The following ESF1 variants were observed in gnomAD, a reference collection of about 807,000 sequenced individuals.
ESF1 encodes ESF1 homolog.
In ESF1, 58 loss-of-function variants were observed where a neutral mutation model predicts 92.0. The ratio of observed to expected loss-of-function variants is 0.63; its 90% CI spans 0.51 to 0.78. ESF1 has a LOEUF of 0.78. ESF1 is among the 30% of genes least tolerant of loss of function. The probability of loss-of-function intolerance (pLI) is 0.00; values close to 1 mark genes in which losing one functional copy is unlikely to be tolerated. For synonymous variants in ESF1, 321 were observed against 313.7 expected, an observed-to-expected ratio of 1.02 and a Z score of -0.24; for missense variants, 922 against 989.1, an observed-to-expected ratio of 0.93 and a Z score of 0.91.
In ESF1 at chr20:13,779,120, G is replaced by A. The variant is rs559861857; in HGVS notation, c.638-2850C>T. Among the ~76,000 whole-genome samples, 8 of 152,242 alleles carry A rather than the reference G, an allele frequency of 5.3e-5. No individual in the cohort carries two copies. The South Asian group carries it at 1.5e-3, about 28-fold the overall frequency. ...TGTACACAGCCTTGTGCAAGATAAT[G>A]TGGGGTTACACAAATATAAATGTCT... is the stretch of plus-strand genomic sequence containing the variant. On this transcript the variant is annotated intron_variant, in intron 2 of 13. Coordinates refer to ENST00000617257, the MANE Select transcript of ESF1 (RefSeq NM_001276380.2).
rs536664066 is a variant in ESF1, at chr20:13,716,703, C to T, written c.2262+665G>A. Among the ~76,000 whole-genome samples, 10 of 146,766 alleles carry T rather than the reference C, an allele frequency of 6.8e-5. No homozygotes were observed. In the East Asian group the frequency reaches 1.8e-3, roughly 27 times the overall value. On this transcript the variant is annotated intron_variant, in intron 13 of 13. Coordinates refer to ENST00000617257, the MANE Select transcript of ESF1 (RefSeq NM_001276380.2). ...TTGCCCAGGCTGGAGTGCAGTGCCA[C>T]AATCATGGCTCACTGCAGGCTTGAC...
intron 9 of ESF1, among the ~76,000 whole-genome samples, chr20:13,735,910 A>G (rs972973549): frequency 1.3e-5 from 2 of 152,128 alleles, no homozygotes; most frequent in African/African-American, 4.8e-5. Context: ...GGAGGGATGG[A>G]TAGCATGAGA....
chr20:13,747,129 A>G (rs1054185843), intron 9 of ESF1, among the ~76,000 whole-genome samples: 8 of 152,142 alleles, frequency 5.3e-5, no homozygotes, highest in African/African-American at 1.9e-4. Flanking sequence ...CTGGTTGGGA[A>G]TCCTTGAAAC....
In ESF1 at chr20:13,741,868, G is replaced by A. The variant is rs577057993; in HGVS notation, c.1829-8026C>T. Among the ~76,000 whole-genome samples, 5 of 152,272 alleles carry A rather than the reference G, an allele frequency of 3.3e-5. No individual in the cohort carries two copies. In the East Asian group the frequency reaches 9.6e-4, roughly 29 times the overall value. ...AGAAGATATTAGCTGTCTTATACAA[G>A]ACAAAGGATCAGTATCAGAAGTAAA... On this transcript the variant is annotated intron_variant, in intron 9 of 13. Coordinates refer to ENST00000617257, the MANE Select transcript of ESF1 (RefSeq NM_001276380.2).
intron 9 of ESF1, among the ~76,000 whole-genome samples, chr20:13,750,794 T>C (rs1368182456): frequency 1.3e-5 from 2 of 152,074 alleles, no homozygotes; most frequent in East Asian, 1.9e-4. Context: ...GCCTGAGCAA[T>C]GTAGTAAGAG....
chr20:13,767,771 C>T (rs1400384234), intron 7 of ESF1, among the ~76,000 whole-genome samples: 1 of 152,198 alleles, frequency 6.6e-6, no homozygotes, highest in African/African-American at 2.4e-5. Context: ...GTGGTGATGA[C>T]TGGCTCCTGC....
intron 9 of ESF1, among the ~76,000 whole-genome samples, chr20:13,735,822 C>T (rs2049971983): frequency 6.6e-6 from 1 of 152,078 alleles, no homozygotes; most frequent in Non-Finnish European, 1.5e-5. Context: ...TTCTGAATCA[C>T]CATGATGCTA....
chr20:13,717,657 T>C (rs1348450958), intron 12 of ESF1, 143 bp from the exon 13 acceptor site: 8 of 810,466 alleles, frequency 9.9e-6, no homozygotes, highest in Admixed American at 5.7e-5. Flanking sequence ...GTCTGTAAAC[T>C]GACTGTGGAT....
intron 2 of ESF1, among the ~76,000 whole-genome samples, chr20:13,782,292 C>T (rs1053778686): frequency 6.6e-6 from 1 of 152,170 alleles, no homozygotes; most frequent in African/African-American, 2.4e-5. Context: ...CACTGTTTAA[C>T]TTCAAGATTC....
chr20:13,776,082 C>T lies in ESF1; in HGVS notation c.826G>A (p.Glu276Lys). ...TCCTCTTCATCTTCATCCTCCTCTT[C>T]ATCATCTTCACTTCCATCGTCATCA... The part of the protein sequence containing the change: ...SGDDDGSEDD[E>K]EEDEDEEEDE... Residue 276 changes from glutamate (E) to lysine (K), a missense_variant, in exon 3 of 14, where the codon GAA (glutamate) becomes AAA (lysine). By Grantham distance (56) the Glu-to-Lys change is moderately conservative. Coordinates refer to ENST00000617257, the MANE Select transcript of ESF1 (RefSeq NM_001276380.2). 6.2e-7 allele frequency: 1 copy of T among 1,613,736 alleles called. No individual in the cohort carries two copies. The highest frequency in any genetic ancestry group is 8.5e-7 in the Non-Finnish European group (1 of 1,179,702).
intron 10 of ESF1, among the ~76,000 whole-genome samples, chr20:13,731,404 C>A (rs996282075): frequency 6.6e-6 from 1 of 151,756 alleles, no homozygotes; most frequent in Non-Finnish European, 1.5e-5. Flanking sequence ...TGGTGGCGGG[C>A]GCCTGTAGTC....
chr20:13,729,172 C>T (rs548232457), intron 10 of ESF1, among the ~76,000 whole-genome samples: 55 of 152,316 alleles, frequency 3.6e-4, no homozygotes, highest in Non-Finnish European at 6.2e-4. Context: ...GCAGGAGAAT[C>T]GCTTGAACCC....
In ESF1 at chr20:13,784,873, C is replaced by T; in HGVS notation, c.-44+7G>A. 5.0e-6 allele frequency: 3 copies of T among 605,770 alleles called. No homozygotes were observed. In the South Asian group the frequency reaches 5.9e-5, roughly 12 times the overall value. The allele number at this position is 605,770 out of a possible 1,614,324, so 37.5% of individuals were successfully genotyped here. ...GAGCTCTTCAACTCCAGTCCATCCC[C>T]ACTCACCGTCCGCAGTCCTACCAAG... On this transcript the variant is annotated splice_region_variant and intron_variant, in intron 1 of 13. Coordinates refer to ENST00000617257, the MANE Select transcript of ESF1 (RefSeq NM_001276380.2).
Position 13,718,907 on chromosome 20 carries a change from C to T in ESF1, c.2115+1G>A. The T allele has an allele frequency of 1.1e-5, 17 of 1,597,846 alleles. No individual in the cohort carries two copies. Among genetic ancestry groups the T allele is most frequent in the Non-Finnish European group, 1.4e-5 (17 of 1,172,722 alleles). ...AGCATGTAACAATAATCGTATTTTA[C>T]CTTTTGTCTTTCTATTTCAATTTCT... On this transcript the variant is annotated splice_donor_variant, in intron 12 of 13. Coordinates refer to ENST00000617257, the MANE Select transcript of ESF1 (RefSeq NM_001276380.2). LOFTEE classifies it high-confidence loss of function.
intron 9 of ESF1, among the ~76,000 whole-genome samples, chr20:13,746,285 T>A (rs1245817808): frequency 6.6e-6 from 1 of 152,224 alleles, no homozygotes; most frequent in African/African-American, 2.4e-5. Context: ...TTCTTTAAAC[T>A]GTAAATACAC....
At chr20:13,774,745 T>C (rs1979847213) in intron 4 of ESF1, among the ~76,000 whole-genome samples, 1 of 152,220 alleles carries the variant, frequency 6.6e-6, no homozygotes, top group African/African-American at 2.4e-5. Flanking sequence ...TTCAAATTTA[T>C]CAAGTGTTAC....
intron 2 of ESF1, 38 bp from the exon 3 acceptor site, chr20:13,776,308 TATATGCTGA>T: frequency 6.4e-7 from 1 of 1,553,480 alleles, no homozygotes; most frequent in Non-Finnish European, 8.7e-7. Context: ...TAAGAAAAGA[TATATGCTGA>T]ATTAAACTGA....
In ESF1 at chr20:13,751,982, A is replaced by G. The variant is rs1176604785; in HGVS notation, c.1828+7710T>C. Among the ~76,000 whole-genome samples, 3 of 152,234 alleles carry G rather than the reference A, an allele frequency of 2.0e-5. No homozygotes were observed. The East Asian group carries it at 5.8e-4, about 29-fold the overall frequency. On this transcript the variant is annotated intron_variant, in intron 9 of 13. Transcript: ENST00000617257. ...TGCACTCCAGCCCAGGCGACAGAAGAATGTCTCAAAATAAATAAATAAAAT... is the reference window on the plus strand; with the variant it reads ...TGCACTCCAGCCCAGGCGACAGAAGGATGTCTCAAAATAAATAAATAAAAT...
At chr20:13,722,303 T>C (rs969028253) in intron 11 of ESF1, among the ~76,000 whole-genome samples, 2 of 152,254 alleles carry the variant, frequency 1.3e-5, no homozygotes, top group South Asian at 2.1e-4. Flanking sequence ...TGAAGAAAAT[T>C]TCTTTGCTAA....
Sources: allele counts gnomAD v4.1 joint callset (sites outside exome capture counted in the v4.1 genomes callset), GRCh38; gene constraint gnomAD v4.1.1; transcripts MANE v1.5; gene names NCBI Gene and HGNC (gene_info 2026-07-23, HGNC 2026-07-21).